The following CD22 variants were observed in gnomAD, a reference collection of about 807,000 sequenced individuals.
CD22 encodes B-cell receptor CD22.
Under a neutral mutation model 94.7 loss-of-function variants are expected in CD22, and 51 were observed. The ratio of observed to expected loss-of-function variants is 0.54; its 90% CI spans 0.43 to 0.68. CD22 has a LOEUF of 0.68. Ranked by LOEUF, CD22 falls within the 30% of genes least tolerant of loss-of-function variation. The pLI is 0.00. For synonymous variants in CD22, 424 were observed against 422.5 expected, an observed-to-expected ratio of 1.00 and a Z score of -0.04; for missense variants, 931 against 1,060.4, an observed-to-expected ratio of 0.88 and a Z score of 1.69.
intron 11 of CD22, 138 bp from the exon 12 acceptor site, chr19:35,345,464 C>T: frequency 1.7e-6 from 1 of 584,696 alleles, no homozygotes; most frequent in South Asian, 2.1e-5. Flanking sequence ...ATGAGGCAGA[C>T]TGTGAAGCTG....
chr19:35,344,086 C>T (rs2066861198), intron 9 of CD22, among the ~76,000 whole-genome samples: 1 of 152,212 alleles, frequency 6.6e-6, no homozygotes, highest in African/African-American at 2.4e-5. Context: ...GTCCCAACTA[C>T]TCGGGAGGCT....
chr19:35,335,065 G>A (rs1482537745), intron 3 of CD22, among the ~76,000 whole-genome samples: 9 of 128,864 alleles, frequency 7.0e-5, no homozygotes, highest in East Asian at 4.7e-4. Context: ...GCGACAGAGC[G>A]AGACTCTGTC....
intron 6 of CD22, among the ~76,000 whole-genome samples, chr19:35,339,295 C>T (rs565378931): frequency 6.6e-6 from 1 of 151,858 alleles, no homozygotes; most frequent in African/African-American, 2.4e-5. Context: ...GGCACAGTGG[C>T]TCACACTTGT....
chr19:35,345,281 C>T (rs2066886425), intron 11 of CD22, 155 bp downstream of exon 11: 2 of 653,614 alleles, frequency 3.1e-6, no homozygotes, highest in Non-Finnish European at 5.4e-6. Flanking sequence ...ATTAGCCGGG[C>T]GTGATGGTCC....
rs2145659581 is a variant in CD22, at chr19:35,337,266, C to T, written c.719-489C>T. The stretch of plus-strand genomic sequence containing the variant: ...AAAAGAAAAAAAAAGAAGGTGAGCA[C>T]TTAAGCTGACTGGAACGGAGGGAGT... On this transcript the variant is annotated intron_variant, in intron 4 of 13. Transcript: ENST00000085219. This position sits in a 1 kb window ranked among gnomAD's most constrained non-coding sequence, Gnocchi z 4.4. Among the ~76,000 whole-genome samples, 1 of 152,204 alleles carries T rather than the reference C, an allele frequency of 6.6e-6. No homozygotes were observed. The highest frequency in any genetic ancestry group is 2.1e-4 in the South Asian group (1 of 4,820).
chr19:35,331,896 A>G lies in CD22; in HGVS notation c.-22-123A>G, dbSNP rs1012512584. 1.4e-5 allele frequency: 22 copies of G among 1,557,496 alleles called. No individual in the cohort carries two copies. The African/African-American group carries it at 3.0e-4, about 21-fold the overall frequency. ...GCATCCCAAATGCCACATCCCCATA[A>G]TGCAACCAGACCCGGTCCTCCCGGA... On this transcript the variant is annotated intron_variant, in intron 1 of 13. Transcript: ENST00000085219.
In CD22 at chr19:35,345,707, A is replaced by G. The variant is rs754226815; in HGVS notation, c.2314A>G (p.Ile772Val). The part of the protein sequence containing the change: ...YTTLRFPEMN[I>V]PRTGDAESSE... ...CACCCTGCGCTTTCCCGAGATGAAC[A>G]TACCACGAACTGGGTACTGAGGGTA... The change falls in exon 12 of 14, where the codon ATA (isoleucine) becomes GTA (valine). Residue 772 changes from isoleucine (I) to valine (V), a missense_variant. By Grantham distance (29) the Ile-to-Val change is conservative. Transcript: ENST00000085219. The G allele has an allele frequency of 1.9e-6, 3 of 1,601,968 alleles. No homozygotes were observed. The highest frequency in any genetic ancestry group is 1.7e-4 in the Middle Eastern group (1 of 6,050).
At position 35,338,241 on chromosome 19, in the gene CD22, C is replaced by A; in HGVS notation, c.1059C>A (p.Cys353Ter). The change falls in exon 6 of 14, where the codon TGC becomes TGA. Residue 353 changes from cysteine to a stop codon, truncating the protein, a stop_gained. Coordinates refer to ENST00000085219, the MANE Select transcript of CD22 (RefSeq NM_001771.4). LOFTEE classifies it high-confidence loss of function. ...AGGGAAGTCAAGTCGAGTTTCTTTG[C>A]ATGTCACTGGCCAATCCTCTTCCAA... ...AVEGSQVEFL[C>*]MSLANPLPTN... is the part of the protein sequence containing the mutation. 6.2e-7 allele frequency: 1 copy of A among 1,614,232 alleles called. No homozygotes were observed. Among genetic ancestry groups the A allele is most frequent in the East Asian group, 2.2e-5 (1 of 44,890 alleles).
Position 35,341,873 on chromosome 19 carries a change from C to T in CD22, c.1943C>T (p.Pro648Leu), listed in dbSNP as rs753464895. 55 of 1,613,924 alleles carry T rather than the reference C, an allele frequency of 3.4e-5. No homozygotes were observed. Among genetic ancestry groups the T allele is most frequent in the Non-Finnish European group, 4.2e-5 (49 of 1,180,016 alleles). The change falls in exon 9 of 14, where the codon CCG becomes CTG. Residue 648 changes from proline (P) to leucine (L), a missense_variant. Transcript: ENST00000085219. The surrounding 1 kb of genome is among the most constrained non-coding windows in gnomAD (Gnocchi z 4.0). ...CACAGCCAGAAGCTGAGATTGGAGC[C>T]GGTGAAGGTCCAGCACTCGGGTGCC... ...PYHSQKLRLE[P>L]VKVQHSGAYW... is the part of the protein sequence containing the mutation.
At position 35,337,863 on chromosome 19, in the gene CD22, C is replaced by G. The variant is rs966098165; in HGVS notation, c.827C>G (p.Thr276Arg). 6 of 1,614,066 alleles carry G rather than the reference C, an allele frequency of 3.7e-6. No homozygotes were observed. The highest frequency in any genetic ancestry group is 5.1e-6 in the Non-Finnish European group (6 of 1,180,030). ...AGCAGCAGCAACCCGGAGTACACGA[C>G]GGTATCCTGGCTCAAGGATGGGACC... ...EVSSSNPEYT[T>R]VSWLKDGTSL... is the part of the protein sequence containing the mutation. The change falls in exon 5 of 14, where the codon ACG becomes AGG. Residue 276 changes from threonine to arginine, a missense_variant. By Grantham distance (71) the Thr-to-Arg change is moderately conservative. Transcript: ENST00000085219. This position sits in a 1 kb window ranked among gnomAD's most constrained non-coding sequence, Gnocchi z 4.4.
Position 35,344,936 on chromosome 19 carries a change from G to A in CD22, c.2132+11G>A. On this transcript the variant is annotated intron_variant, in intron 10 of 13. Coordinates refer to ENST00000085219, the MANE Select transcript of CD22 (RefSeq NM_001771.4). ...CAAGCTCCAGCGACGGTGAGCTCCT[G>A]CCATCCCCCACCACCTCCTCTATCC... is the stretch of plus-strand genomic sequence containing the variant. The A allele has an allele frequency of 6.2e-7, 1 of 1,611,532 alleles. No individual in the cohort carries two copies. The highest frequency in any genetic ancestry group is 1.1e-5 in the South Asian group (1 of 91,030).
Position 35,345,626 on chromosome 19 carries a change from G to A in CD22, c.2233G>A (p.Gly745Ser). The change falls in exon 12 of 14, where the codon GGC becomes AGC. Residue 745 changes from glycine (G) to serine (S), a missense_variant. Gly to Ser is a moderately conservative substitution (Grantham distance 56). Coordinates refer to ENST00000085219, the MANE Select transcript of CD22 (RefSeq NM_001771.4). ...GGTTAGAAGGGCCCCCCTCTCTGAAGGCCCCCACTCCCTGGGATGCTACAA... is the reference window on the plus strand; with the variant it reads ...GGTTAGAAGGGCCCCCCTCTCTGAAAGCCCCCACTCCCTGGGATGCTACAA... ...KKVRRAPLSEGPHSLGCYNPM... is the reference protein window; with the variant it reads ...KKVRRAPLSESPHSLGCYNPM... 6.2e-7 allele frequency: 1 copy of A among 1,612,238 alleles called. No individual in the cohort carries two copies. The highest frequency in any genetic ancestry group is 8.5e-7 in the Non-Finnish European group (1 of 1,178,372).
chr19:35,337,972 C>T lies in CD22; in HGVS notation c.936C>T (p.Ser312=), dbSNP rs1568486929. The change falls in exon 5 of 14, where the codon TCC becomes TCT. Residue 312 remains serine, a synonymous_variant. Coordinates refer to ENST00000085219, the MANE Select transcript of CD22 (RefSeq NM_001771.4). The surrounding 1 kb of genome is among the most constrained non-coding windows in gnomAD (Gnocchi z 4.4). ...DQSGKYCCQV[S]NDVGPGRSEE... ...GTGGGAAGTACTGCTGTCAGGTCTC[C>T]AATGACGTGGGCCCGGGAAGGTCGG... 6.2e-7 allele frequency: 1 copy of T among 1,614,050 alleles called. No individual in the cohort carries two copies. The highest frequency in any genetic ancestry group is 8.5e-7 in the Non-Finnish European group (1 of 1,179,912).
At chr19:35,332,348 A>G (rs1318331675) in intron 2 of CD22, 199 bp from the exon 3 acceptor site, 1 of 660,210 alleles carries the variant, frequency 1.5e-6, no homozygotes, top group Non-Finnish European at 2.5e-6. Flanking sequence ...GCAGTGGCTC[A>G]TGCCTGAAAT....
intron 9 of CD22, 133 bp downstream of exon 9, chr19:35,342,098 CCTCCTCTTCCTCCTT>C (rs1568490287): frequency 1.8e-5 from 13 of 729,618 alleles, no homozygotes; most frequent in Admixed American, 2.9e-5. Flanking sequence ...TTCCCCTCCT[CCTCCTCTTCCTCCTT>C]CTTCTTCTTC....
At position 35,332,764 on chromosome 19, in the gene CD22, G is replaced by A; in HGVS notation, c.252G>A (p.Lys84=). ...TRLYESTKDG[K]VPSEQKRVQF... ...TCTATGAAAGCACAAAGGATGGGAA[G>A]GTTCCTTCTGAGCAGAAAAGGGTGC... The change falls in exon 3 of 14, where the codon AAG becomes AAA. Residue 84 remains lysine (K), a synonymous_variant. Transcript: ENST00000085219. 1 of 1,614,174 alleles carries A rather than the reference G, an allele frequency of 6.2e-7. No individual in the cohort carries two copies. Among genetic ancestry groups the A allele is most frequent in the Non-Finnish European group, 8.5e-7 (1 of 1,180,030 alleles).
At chr19:35,338,042 G>A in intron 5 of CD22, 21 bp downstream of exon 5, 2 of 1,595,344 alleles carry the variant, frequency 1.3e-6, no homozygotes, top group South Asian at 1.1e-5. Flanking sequence ...CGGAGCTGGG[G>A]ACAGGCCAGG....
In CD22 at chr19:35,340,981, T is replaced by C; in HGVS notation, c.1350T>C (p.Ser450=). ...GTAACTACAATTCCAGTAACCCCAG[T>C]GTTACCCGGTATGAATGGAAACCCC... is the stretch of plus-strand genomic sequence containing the variant. ...LSCNYNSSNP[S]VTRYEWKPHG... The change falls in exon 7 of 14, where the codon AGT becomes AGC. Residue 450 remains serine, a synonymous_variant. Transcript: ENST00000085219. 1 of 1,614,144 alleles carries C rather than the reference T, an allele frequency of 6.2e-7. No homozygotes were observed. The highest frequency in any genetic ancestry group is 1.1e-5 in the South Asian group (1 of 91,082).
intron 1 of CD22, 66 bp downstream of exon 1, chr19:35,329,296 C>T (rs1242668963): frequency 5.9e-6 from 6 of 1,012,182 alleles, no homozygotes; most frequent in African/African-American, 1.7e-5. Context: ...CAGTTATGGG[C>T]CAGGCATACC....
Sources: gnomAD v4.1 joint callset for allele counts (sites outside exome capture counted in the v4.1 genomes callset) on GRCh38, gnomAD v4.1.1 for gene constraint, Gnocchi (gnomAD v3.1) non-coding constraint, MANE v1.5 for transcripts, NCBI Gene and HGNC (gene_info 2026-07-23, HGNC 2026-07-21) for gene names.